CAPS2: variants seen among roughly 807,000 people sequenced by gnomAD.
CAPS2 encodes calcyphosine 2.
CAPS2 carries 98 observed loss-of-function variants against 86.5 expected under a neutral mutation model. The observed-to-expected ratio is 1.13, with a 90% CI of 0.96 to 1.34. The LOEUF (loss-of-function observed/expected upper bound fraction) is 1.34, where lower values mean the gene tolerates loss of function less well. CAPS2 is among the 40% of genes most tolerant of loss of function. CAPS2 has a pLI of 0.00. For synonymous variants in CAPS2, 210 were observed against 225.1 expected (o/e 0.93, Z 0.60); for missense variants, 729 against 686.8 (o/e 1.06, Z -0.69).
intron 1 of CAPS2, chr12:75,365,054 A>G (rs147139791): frequency 1.0e-3 from 157 of 152,244 alleles, no homozygotes; most frequent in African/African-American, 3.5e-3. Flanking sequence ...ATCTGAACTA[A>G]TTATATCCCT....
chr12:75,365,175 G>C (rs1176074561), intron 1 of CAPS2: 5 of 152,148 alleles, frequency 3.3e-5, no homozygotes, highest in African/African-American at 9.7e-5. Flanking sequence ...ATGAAAAGCA[G>C]ATCAGGCTCA....
At chr12:75,380,266 G>A (rs1301356339) in intron 1 of CAPS2, among the ~76,000 whole-genome samples, 1 of 152,132 alleles carries the variant, frequency 6.6e-6, no homozygotes, top group Non-Finnish European at 1.5e-5. Context: ...ATCATTTTGA[G>A]ATGGTTTGCT....
At chr12:75,362,039 A>T (rs1370172865) in intron 1 of CAPS2, among the ~76,000 whole-genome samples, 2 of 152,186 alleles carry the variant, frequency 1.3e-5, no homozygotes, top group Admixed American at 1.3e-4. Context: ...AAAATTAAAA[A>T]TAACTACTAT....
At chr12:75,349,216 A>G (rs934783682) in intron 1 of CAPS2, among the ~76,000 whole-genome samples, 2 of 152,228 alleles carry the variant, frequency 1.3e-5, no homozygotes, top group Non-Finnish European at 2.9e-5. Context: ...AGGGAGCAGA[A>G]CTAAACTGCT....
chr12:75,299,844 C>T (rs758053512), exon 9 of CAPS2: 8 of 1,492,286 alleles, frequency 5.4e-6, no homozygotes, highest in African/African-American at 2.8e-5. Flanking sequence ...TACCGTGATA[C>T]GATCCTACCA....
exon 3 of CAPS2, chr12:75,323,183 A>G: frequency 6.5e-7 from 1 of 1,540,550 alleles, no homozygotes. Context: ...TTACCTCATC[A>G]TCAGAGTCAA....
At chr12:75,316,218 C>T in intron 6 of CAPS2, 94 bp downstream of exon 6, 6 of 1,440,144 alleles carry the variant, frequency 4.2e-6, no homozygotes, top group Non-Finnish European at 5.6e-6. Context: ...TCAAATTCAA[C>T]TGTTGCAATT....
At chr12:75,329,441 T>G (rs2041093244), upstream of CAPS2, among the ~76,000 whole-genome samples, 1 of 151,632 alleles carries the variant, frequency 6.6e-6, no homozygotes, top group African/African-American at 2.4e-5. Context: ...GGCTAATGTC[T>G]TTAGTGCTAC....
At chr12:75,325,859 C>A (rs189608299) in intron 1 of CAPS2, among the ~76,000 whole-genome samples, 138 of 152,048 alleles carry the variant, frequency 9.1e-4, no homozygotes, top group African/African-American at 3.2e-3. Flanking sequence ...GGAACTTAGA[C>A]CTTGTTTTTA....
intron 2 of CAPS2, 132 bp downstream of exon 3, chr12:75,325,107 C>A: frequency 3.0e-6 from 2 of 659,914 alleles, no homozygotes. Context: ...TTCAGGCTAT[C>A]CATATGCATA....
chr12:75,308,965 C>T (rs1428455945), intron 7 of CAPS2, among the ~76,000 whole-genome samples: 1 of 148,638 alleles, frequency 6.7e-6, no homozygotes, highest in Admixed American at 6.7e-5. Context: ...TTGGACCAAA[C>T]CTGTCAGGGG....
chr12:75,371,445 TACTCTCAC>T (rs1288547134), intron 1 of CAPS2: 1 of 339,928 alleles, frequency 2.9e-6, no homozygotes, highest in African/African-American at 2.2e-5. Flanking sequence ...CCTTTGGCAA[TACTCTCAC>T]AGACACACCC....
At chr12:75,290,908 A>G (rs1009750638) in intron 13 of CAPS2, among the ~76,000 whole-genome samples, 3 of 148,008 alleles carry the variant, frequency 2.0e-5, no homozygotes, top group Non-Finnish European at 4.5e-5. Context: ...CAGGCAATGG[A>G]GCAAGGCTCT....
At chr12:75,376,830 A>G (rs545210784) in intron 1 of CAPS2, among the ~76,000 whole-genome samples, 2 of 152,212 alleles carry the variant, frequency 1.3e-5, no homozygotes, top group South Asian at 4.1e-4. Context: ...CTGATTTTCC[A>G]CAATTTAGCC....
intron 1 of CAPS2, among the ~76,000 whole-genome samples, chr12:75,377,391 A>G (rs1427004943): frequency 6.6e-5 from 10 of 152,220 alleles, no homozygotes; most frequent in Admixed American, 6.5e-4. Flanking sequence ...AAATCCCACG[A>G]TAGGCCATCT....
At chr12:75,305,028 A>G (rs913080583) in intron 7 of CAPS2, 152 bp from the exon 8 acceptor site, 3 of 539,218 alleles carry the variant, frequency 5.6e-6, no homozygotes, top group South Asian at 3.9e-5. Context: ...ATTAAAAAAT[A>G]TTTTCCATAA....
intron 1 of CAPS2, chr12:75,360,128 A>T (rs1355677674): frequency 6.6e-6 from 1 of 152,116 alleles, no homozygotes; most frequent in Non-Finnish European, 1.5e-5. Context: ...CTCTCTCAAC[A>T]TGTGGAGATT....
intron 7 of CAPS2, 87 bp from the exon 8 acceptor site, chr12:75,304,963 C>T (rs2038274221): frequency 1.7e-6 from 2 of 1,177,692 alleles, no homozygotes; most frequent in South Asian, 3.4e-5. Context: ...TCTAAAAGCT[C>T]ATATACCAAA....
chr12:75,347,522 TA>T, intron 1 of CAPS2: 1 of 643,182 alleles, frequency 1.6e-6, no homozygotes, highest in Non-Finnish European at 2.7e-6. Context: ...TTATGTACAT[TA>T]TTTTTTGTAG....
Sources: allele counts gnomAD v4.1 joint callset (sites outside exome capture counted in the v4.1 genomes callset), GRCh38; gene constraint gnomAD v4.1.1; transcripts MANE v1.5; gene names NCBI Gene and HGNC (gene_info 2026-07-23, HGNC 2026-07-21).